ZNF431: variants seen among roughly 807,000 people sequenced by gnomAD.
ZNF431 encodes zinc finger protein 431.
ZNF431 carries 34 observed loss-of-function variants against 57.0 expected under a neutral mutation model. The observed-to-expected ratio is 0.60, with a 90% CI of 0.45 to 0.79. The LOEUF is 0.79. Ranked by LOEUF, ZNF431 falls within the 30% of genes least tolerant of loss-of-function variation. The pLI is 0.00. For missense variants in ZNF431, 607 were observed against 667.1 expected, an observed-to-expected ratio of 0.91 and a Z score of 0.99; for synonymous variants, 207 against 220.3, an observed-to-expected ratio of 0.94 and a Z score of 0.54.
Position 21,190,122 on chromosome 19 carries a change from T to C in ZNF431, c.*6088T>C, listed in dbSNP as rs918941709. On this transcript the variant is annotated 3_prime_UTR_variant, in exon 5 of 5. Transcript: ENST00000311048. ...ATGCAGAGGTTGCAGTGAACTGAGA[T>C]CATGCCACTGCACTCCATCCTGGGC... The C allele has an allele frequency of 5.4e-6, 2 of 371,202 alleles. No homozygotes were observed. The highest frequency in any genetic ancestry group is 9.5e-6 in the Non-Finnish European group (2 of 209,578). 23.0% of individuals were successfully genotyped at this position (371,202 alleles called of 1,614,324 possible).
intron 2 of ZNF431, among the ~76,000 whole-genome samples, chr19:21,161,166 CTAAA>C (rs10600309): frequency 0.92 from 138,339 of 150,358 alleles, 63,948 homozygotes; most frequent in Middle Eastern, 0.98. Flanking sequence ...AGTTCCATCT[CTAAA>C]TAAATAAATA....
intron 2 of ZNF431, chr19:21,162,783 T>G (rs1426922244): frequency 7.1e-6 from 7 of 984,662 alleles, no homozygotes; most frequent in Non-Finnish European, 8.4e-6. Context: ...CTGTATATTT[T>G]GGGATCCTAA....
intron 4 of ZNF431, chr19:21,175,356 A>G (rs1212579959): frequency 4.4e-6 from 3 of 675,312 alleles, no homozygotes; most frequent in Admixed American, 2.2e-5. Context: ...TAATTTAACT[A>G]ATTTTTAAAA....
intron 4 of ZNF431, among the ~76,000 whole-genome samples, chr19:21,174,396 A>G (rs759722486): frequency 3.9e-5 from 6 of 152,168 alleles, no homozygotes; most frequent in Admixed American, 6.5e-5. Flanking sequence ...TTTGCTTTAT[A>G]TATTTTGGAG....
intron 2 of ZNF431, among the ~76,000 whole-genome samples, chr19:21,144,147 T>C (rs970118656): frequency 6.6e-6 from 1 of 152,200 alleles, no homozygotes; most frequent in Non-Finnish European, 1.5e-5. Context: ...TTTACTTATT[T>C]TGACCTCACT....
intron 4 of ZNF431, among the ~76,000 whole-genome samples, chr19:21,179,561 CTTTTT>C (rs537364359): frequency 7.3e-6 from 1 of 137,096 alleles, no homozygotes; most frequent in Admixed American, 7.4e-5. Context: ...GTTACATTGT[CTTTTT>C]TTTTTTTTTT....
Position 21,175,459 on chromosome 19 carries a change from T to C in ZNF431, c.320-7164T>C, listed in dbSNP as rs1001031903. On this transcript the variant is annotated intron_variant, in intron 4 of 4. Coordinates refer to ENST00000311048, the MANE Select transcript of ZNF431 (RefSeq NM_133473.4). The stretch of plus-strand genomic sequence containing the variant: ...ATTTAATTTTATGTTCCAGGATACA[T>C]GTGCAGGATGTGCAGGTTTGTTACA... 9 of 695,988 alleles carry C rather than the reference T, an allele frequency of 1.3e-5. No homozygotes were observed. In the East Asian group the frequency reaches 1.6e-4, roughly 13 times the overall value. The allele number at this position is 695,988 out of a possible 1,614,324, so 43.1% of individuals were successfully genotyped here.
intron 4 of ZNF431, among the ~76,000 whole-genome samples, chr19:21,174,529 G>T (rs1970996197): frequency 6.6e-6 from 1 of 152,000 alleles, no homozygotes; most frequent in African/African-American, 2.4e-5. Flanking sequence ...ACAAGCATAT[G>T]TCCTATGCTG....
rs1263149220 is a variant in ZNF431, at chr19:21,182,889, A to G, written c.586A>G (p.Thr196Ala). 3.1e-6 allele frequency: 5 copies of G among 1,614,050 alleles called. No individual in the cohort carries two copies. The South Asian group carries it at 5.5e-5, about 18-fold the overall frequency. The stretch of plus-strand genomic sequence containing the variant: ...ATTTTTAAATGCAAATAGACATAAG[A>G]CAAGACATACTGGAAAGAAACCTTT... ...HKFLNANRHK[T>A]RHTGKKPFKC... Residue 196 changes from threonine (T) to alanine (A), a missense_variant, in exon 5 of 5, where the codon ACA becomes GCA. Physicochemically the swap from Thr to Ala is moderately conservative, Grantham distance 58 (BLOSUM62 0). Coordinates refer to ENST00000311048, the MANE Select transcript of ZNF431 (RefSeq NM_133473.4).
rs754375583 is a variant in ZNF431 at position 21,175,575 on chromosome 19, C to A, written c.320-7048C>A. On this transcript the variant is annotated intron_variant, in intron 4 of 4. Coordinates refer to ENST00000311048, the MANE Select transcript of ZNF431 (RefSeq NM_133473.4). ...CATGCATTAGCTATTTATCCTGATT[C>A]TCTCCCTCCCCGTGACAGACCCCAG... The A allele has an allele frequency of 2.6e-5, 14 of 548,034 alleles. No homozygotes were observed. The South Asian group carries it at 3.5e-4, about 14-fold the overall frequency. The allele number at this position is 548,034 out of a possible 1,614,324, so 33.9% of individuals were successfully genotyped here.
Position 21,191,485 on chromosome 19 carries a change from G to T in ZNF431, c.*7451G>T, listed in dbSNP as rs1971509173. On this transcript the variant is annotated 3_prime_UTR_variant, in exon 5 of 5. Transcript: ENST00000311048. The stretch of plus-strand genomic sequence containing the variant: ...AAAAAAATTTGCTGCCCAGAACAAT[G>T]TTATAGGGCTTTTGCTCTATATTTT... 1 of 151,936 alleles carries T rather than the reference G, an allele frequency of 6.6e-6. No homozygotes were observed. Among genetic ancestry groups the T allele is most frequent in the Non-Finnish European group, 1.5e-5 (1 of 67,972 alleles). 9.4% of individuals were successfully genotyped at this position (151,936 alleles called of 1,614,324 possible).
chr19:21,175,438 A>T (rs1029249631), intron 4 of ZNF431: 16 of 697,056 alleles, frequency 2.3e-5, no homozygotes, highest in Non-Finnish European at 3.9e-5. Context: ...AATTTAATTT[A>T]ATTTTATGTT....
rs1971472532 is a variant in ZNF431, at chr19:21,189,960, G to A, written c.*5926G>A. The A allele has an allele frequency of 1.0e-5, 4 of 397,136 alleles. No homozygotes were observed. The highest frequency in any genetic ancestry group is 1.4e-4 in the South Asian group (1 of 7,122). The allele number at this position is 397,136 out of a possible 1,614,324, so 24.6% of individuals were successfully genotyped here. ...GGAGTTTGAGACCAGCCTGGACAAC[G>A]TGGAAAAACCCCATCTCTACTAAAA... On this transcript the variant is annotated 3_prime_UTR_variant, in exon 5 of 5. Coordinates refer to ENST00000311048, the MANE Select transcript of ZNF431 (RefSeq NM_133473.4).
intron 2 of ZNF431, chr19:21,162,890 C>A: frequency 6.1e-6 from 2 of 326,102 alleles, no homozygotes; most frequent in Non-Finnish European, 4.4e-6. Flanking sequence ...CCACAAGTAA[C>A]AAAAAAGTAA....
chr19:21,150,096 G>T, intron 2 of ZNF431: 2 of 640,112 alleles, frequency 3.1e-6, no homozygotes, highest in South Asian at 2.9e-5. Flanking sequence ...TTCTCGGCCC[G>T]GGCCAACAGC....
intron 2 of ZNF431, among the ~76,000 whole-genome samples, chr19:21,147,173 G>T (rs1040478428): frequency 6.6e-6 from 1 of 152,058 alleles, no homozygotes; most frequent in African/African-American, 2.4e-5. Flanking sequence ...AATTTCTAAA[G>T]TTATCACAAA....
chr19:21,144,037 C>T (rs1970014662), intron 2 of ZNF431, among the ~76,000 whole-genome samples: 1 of 151,532 alleles, frequency 6.6e-6, no homozygotes, highest in Admixed American at 6.6e-5. Context: ...GAAGAATCTC[C>T]CAAGTGATTG....
In ZNF431 at chr19:21,184,336, G is replaced by A. The variant is rs1219342481; in HGVS notation, c.*302G>A. ...CTGCACTCCAGTTTGGCAACAGAGTGAGACTCCGTCTCAAAAAAAATTTAT... is the reference window on the plus strand; with the variant it reads ...CTGCACTCCAGTTTGGCAACAGAGTAAGACTCCGTCTCAAAAAAAATTTAT... On this transcript the variant is annotated 3_prime_UTR_variant, in exon 5 of 5. Transcript: ENST00000311048. 1.4e-5 allele frequency: 3 copies of A among 217,234 alleles called. No homozygotes were observed. The East Asian group carries it at 3.0e-4, about 22-fold the overall frequency. The allele number at this position is 217,234 out of a possible 1,614,324, so 13.5% of individuals were successfully genotyped here. A position where few individuals can be genotyped will look rare whatever the true frequency, so the allele number is the denominator to read the frequency against.
rs1971505997 is a variant in ZNF431 at position 21,191,328 on chromosome 19, C to CGA, written c.*7294_*7295insGA. 2.0e-5 allele frequency: 3 copies of CGA among 152,008 alleles called. No individual in the cohort carries two copies. The South Asian group carries it at 6.2e-4, about 32-fold the overall frequency. 9.4% of individuals were successfully genotyped at this position (152,008 alleles called of 1,614,324 possible). A position where few individuals can be genotyped will look rare whatever the true frequency, so the allele number is the denominator to read the frequency against. ...ATTAGCCGGGCGTGGTTGCACGTGT[C>CGA]TATAATCTCAGCTACTCAGGAGGCT... is the stretch of plus-strand genomic sequence containing the variant. On this transcript the variant is annotated 3_prime_UTR_variant, in exon 5 of 5. Coordinates refer to ENST00000311048, the MANE Select transcript of ZNF431 (RefSeq NM_133473.4).
Sources: gnomAD v4.1 joint callset for allele counts (sites outside exome capture counted in the v4.1 genomes callset) on GRCh38, gnomAD v4.1.1 for gene constraint, MANE v1.5 for transcripts, NCBI Gene and HGNC (gene_info 2026-07-23, HGNC 2026-07-21) for gene names.